The following SORCS1 variants were observed in gnomAD, a reference collection of about 807,000 sequenced individuals.
SORCS1 encodes the protein sortilin related VPS10 domain containing receptor 1.
SORCS1 carries 60 observed loss-of-function variants against 146.1 expected under a neutral mutation model. The observed-to-expected ratio is 0.41, with a 90% CI of 0.33 to 0.51. SORCS1 has a LOEUF of 0.51. Ranked by LOEUF, SORCS1 falls within the 20% of genes least tolerant of loss-of-function variation. SORCS1 has a pLI of 0.21. For missense variants in SORCS1, 1,352 were observed against 1,487.6 expected, an observed-to-expected ratio of 0.91 and a Z score of 1.50; for synonymous variants, 637 against 584.0, an observed-to-expected ratio of 1.09 and a Z score of -1.31.
intron 24 of SORCS1, among the ~76,000 whole-genome samples, chr10:106,593,085 T>A (rs1054015994): frequency 6.7e-6 from 1 of 148,670 alleles, no homozygotes; most frequent in African/African-American, 2.5e-5. Context: ...TCCGAGATCA[T>A]GCCACTTCAC....
chr10:106,878,650 T>TATATATATATATATATATATATATATA (rs1344451408), intron 2 of SORCS1, among the ~76,000 whole-genome samples: 1 of 66,830 alleles, frequency 1.5e-5, no homozygotes, highest in African/African-American at 5.6e-5. Context: ...ATATATATAT[T>TATATATATATATATATATATATATATA]TTATAGCAGC....
intron 1 of SORCS1, among the ~76,000 whole-genome samples, chr10:107,082,416 CTT>C (rs976752184): frequency 6.6e-6 from 1 of 152,058 alleles, no homozygotes; most frequent in African/African-American, 2.4e-5. Context: ...AAGGTGAAGA[CTT>C]TTGTTTTATT....
chr10:106,927,371 C>G (rs113985959), intron 2 of SORCS1, among the ~76,000 whole-genome samples: 4 of 152,026 alleles, frequency 2.6e-5, no homozygotes, highest in Non-Finnish European at 4.4e-5. Flanking sequence ...GTTCCTTCCT[C>G]CCGGTGGGTT....
At chr10:107,063,359 G>T (rs1358101164) in intron 1 of SORCS1, among the ~76,000 whole-genome samples, 2 of 152,110 alleles carry the variant, frequency 1.3e-5, no homozygotes, top group African/African-American at 4.8e-5. Context: ...TTGAATACTT[G>T]TATGTTACTA....
chr10:106,924,154 T>G (rs1952863111), intron 2 of SORCS1, among the ~76,000 whole-genome samples: 1 of 151,300 alleles, frequency 6.6e-6, no homozygotes, highest in Admixed American at 6.6e-5. Context: ...CTTGAGAGGC[T>G]GAGACAGGAT....
At chr10:106,975,010 G>C (rs1352641406) in intron 1 of SORCS1, among the ~76,000 whole-genome samples, 1 of 152,170 alleles carries the variant, frequency 6.6e-6, no homozygotes, top group East Asian at 1.9e-4. Context: ...CTGACAGTTA[G>C]TGCAGGCTGA....
chr10:107,036,982 A>G (rs1434994576), intron 1 of SORCS1, among the ~76,000 whole-genome samples: 2 of 152,206 alleles, frequency 1.3e-5, no homozygotes, highest in African/African-American at 4.8e-5. Flanking sequence ...GCGGTGGCTC[A>G]TGCCTGTAAT....
intron 2 of SORCS1, among the ~76,000 whole-genome samples, chr10:106,902,427 G>A (rs1012052664): frequency 3.9e-5 from 6 of 151,904 alleles, no homozygotes; most frequent in African/African-American, 1.5e-4. Flanking sequence ...ACAAGAAAAA[G>A]AAATAAATGA....
chr10:107,069,307 A>G (rs1469707806), intron 1 of SORCS1, among the ~76,000 whole-genome samples: 1 of 152,092 alleles, frequency 6.6e-6, no homozygotes, highest in Non-Finnish European at 1.5e-5. Flanking sequence ...TTATTTCCAT[A>G]TTTCTGAAAT....
intron 4 of SORCS1, among the ~76,000 whole-genome samples, chr10:106,762,501 T>C (rs1171539932): frequency 6.7e-6 from 1 of 148,504 alleles, no homozygotes; most frequent in Non-Finnish European, 1.5e-5. Flanking sequence ...CACGCCATTC[T>C]ACTGCCTCAG....
At chr10:106,623,162 T>A (rs112499210) in intron 19 of SORCS1, among the ~76,000 whole-genome samples, 4 of 152,192 alleles carry the variant, frequency 2.6e-5, no homozygotes, top group African/African-American at 9.6e-5. Context: ...AATGAATACA[T>A]TAGAATACAA....
At chr10:107,177,059 G>A in the SORCS1 span, among the ~76,000 whole-genome samples, 34,415 of 151,802 alleles carry the variant, frequency 0.23, 4,041 homozygotes, top group African/African-American at 0.28. Context: ...GAACTGCCAT[G>A]TCATCTTTTA....
At chr10:106,922,770 T>C (rs1211941584) in intron 2 of SORCS1, among the ~76,000 whole-genome samples, 1 of 152,220 alleles carries the variant, frequency 6.6e-6, no homozygotes, top group Non-Finnish European at 1.5e-5. Flanking sequence ...GACTAATGTA[T>C]AATAACAATG....
chr10:106,641,472 G>T (rs1285104673), intron 18 of SORCS1, among the ~76,000 whole-genome samples: 2 of 152,124 alleles, frequency 1.3e-5, no homozygotes, highest in Non-Finnish European at 2.9e-5. Context: ...TCTTATGCTA[G>T]AATTAGGACA....
At chr10:106,625,065 T>A (rs1183952833) in intron 19 of SORCS1, among the ~76,000 whole-genome samples, 1 of 152,214 alleles carries the variant, frequency 6.6e-6, no homozygotes, top group East Asian at 1.9e-4. Flanking sequence ...CATCATTCCA[T>A]ATGAATCTTC....
Position 106,576,550 on chromosome 10 carries a change from T to C in SORCS1, c.*870A>G, listed in dbSNP as rs1844586985. 6.6e-6 allele frequency: 1 copy of C among 152,220 alleles called. No homozygotes were observed. The highest frequency in any genetic ancestry group is 2.4e-5 in the African/African-American group (1 of 41,514). The allele number at this position is 152,220 out of a possible 1,614,324, so 9.4% of individuals were successfully genotyped here. ...GGAAAGCTGCAAGGGGAGGCAATCATGGTGGAAAGAGGTGAACAGGAAACC... is the reference window on the plus strand; with the variant it reads ...GGAAAGCTGCAAGGGGAGGCAATCACGGTGGAAAGAGGTGAACAGGAAACC... On this transcript the variant is annotated 3_prime_UTR_variant, in exon 26 of 26. Coordinates refer to ENST00000263054, the MANE Select transcript of SORCS1 (RefSeq NM_052918.5).
At chr10:106,778,703 G>A (rs565841681) in intron 3 of SORCS1, among the ~76,000 whole-genome samples, 8 of 152,122 alleles carry the variant, frequency 5.3e-5, no homozygotes, top group South Asian at 2.1e-4. Flanking sequence ...CACTACTGCC[G>A]AAAAGTCATT....
Position 106,960,267 on chromosome 10 carries a change from G to A in SORCS1, c.559-3687C>T, listed in dbSNP as rs1016759. 0.027 allele frequency among the ~76,000 whole-genome samples: 4,057 copies of A among 152,234 alleles called. 192 individuals are homozygous for A. Among genetic ancestry groups the A allele is most frequent in the African/African-American group, 0.092 (3,810 of 41,516 alleles). On this transcript the variant is annotated intron_variant, in intron 1 of 25. Coordinates refer to ENST00000263054, the MANE Select transcript of SORCS1 (RefSeq NM_052918.5). This position sits in a 1 kb window ranked among gnomAD's most constrained non-coding sequence, Gnocchi z 4.4. The stretch of plus-strand genomic sequence containing the variant: ...GGATTTCCACAGTGACATGCTTCAA[G>A]TATCCCCCTCGCCAGTCTAGGACTT...
At chr10:106,737,055 A>AGTGTGCG (rs1554915885) in intron 5 of SORCS1, among the ~76,000 whole-genome samples, 1 of 150,858 alleles carries the variant, frequency 6.6e-6, no homozygotes, top group Non-Finnish European at 1.5e-5. Flanking sequence ...GTGTGTGTGC[A>AGTGTGCG]TGTGAGTGTG....
Sources: allele counts gnomAD v4.1 joint callset (sites outside exome capture counted in the v4.1 genomes callset), GRCh38; gene constraint gnomAD v4.1.1; non-coding constraint Gnocchi (gnomAD v3.1); transcripts MANE v1.5; gene names NCBI Gene and HGNC (gene_info 2026-07-23, HGNC 2026-07-21).